Variants in OFD1 observed in about 807,000 individuals in gnomAD.
OFD1 encodes the protein OFD1 centriole and centriolar satellite protein, also known as centriole and centriolar satellite protein OFD1.
In OFD1, 12 loss-of-function variants were observed where a neutral mutation model predicts 81.4. The observed-to-expected ratio is 0.15, with a 90% CI of 0.09 to 0.24. OFD1 has a LOEUF of 0.24. Among genes scored for constraint, OFD1 ranks in the 10% least tolerant of loss-of-function variants. The pLI is 1.00. For missense variants in OFD1, 685 were observed against 733.9 expected (o/e 0.93, Z 0.77); for synonymous variants, 256 against 263.7 (o/e 0.97, Z 0.28).
intron 10 of OFD1, chrX:13,752,711 A>G: frequency 5.1e-6 from 5 of 972,049 alleles, no homozygotes; most frequent in Non-Finnish European, 6.6e-6. Flanking sequence ...CAGCTTCCAC[A>G]GGCTGCATGG....
At chrX:13,745,253 T>C (rs2047248261) in intron 6 of OFD1, among the ~76,000 whole-genome samples, 1 of 112,518 alleles carries the variant, frequency 8.9e-6, no homozygotes, top group African/African-American at 3.2e-5. Context: ...CAAGCAGTGC[T>C]GTTCAGTGGT....
At chrX:13,717,430 C>G in the OFD1 span, among the ~76,000 whole-genome samples, 1 of 112,176 alleles carries the variant, frequency 8.9e-6, no homozygotes, top group South Asian at 3.6e-4. Context: ...CAGTCTTACT[C>G]CAATGTAGTT....
downstream of OFD1, chrX:13,772,779 C>T (rs1469744835): frequency 2.6e-6 from 2 of 766,851 alleles, no homozygotes; most frequent in Non-Finnish European, 1.9e-6. Flanking sequence ...AGTGTTTGTA[C>T]ATCTACATTA....
intron 13 of OFD1, among the ~76,000 whole-genome samples, chrX:13,757,003 G>A (rs2147028295): frequency 9.0e-6 from 1 of 111,576 alleles, no homozygotes; most frequent in Admixed American, 9.5e-5. Flanking sequence ...TACATACAGT[G>A]GCCCTAGGCT....
At chrX:13,770,414 G>A (rs373228476), downstream of OFD1, among the ~76,000 whole-genome samples, 2 of 112,020 alleles carry the variant, frequency 1.8e-5, no homozygotes, top group East Asian at 5.6e-4. Context: ...CACTAAGAAA[G>A]GTCAGACGCA....
At chrX:13,768,916 A>G (rs2048236053) in intron 22 of OFD1, 131 bp downstream of exon 22, 4 of 772,816 alleles carry the variant, frequency 5.2e-6, no homozygotes, top group Non-Finnish European at 8.0e-6. Context: ...TATAAAAACA[A>G]TTGAGTTTTT....
the OFD1 span, chrX:13,716,658 G>C: frequency 8.3e-7 from 1 of 1,211,761 alleles, no homozygotes; most frequent in Non-Finnish European, 1.1e-6. Context: ...CTATGAACTG[G>C]TTCAGATGAC....
chrX:13,733,359 A>AT (rs1213035837), upstream of OFD1, among the ~76,000 whole-genome samples: 2 of 110,708 alleles, frequency 1.8e-5, no homozygotes, highest in African/African-American at 6.6e-5. Context: ...TCGTTTACTT[A>AT]TTTTTTCTCC....
At chrX:13,773,083 C>A (rs1166989387), downstream of OFD1, 9 of 1,099,330 alleles carry the variant, frequency 8.2e-6, no homozygotes, top group Non-Finnish European at 8.8e-6. Flanking sequence ...GAAGGCAAAG[C>A]GAGGCGCTAG....
chrX:13,769,648 C>T (rs934779952), downstream of OFD1, among the ~76,000 whole-genome samples: 1 of 111,649 alleles, frequency 9.0e-6, no homozygotes, highest in Non-Finnish European at 1.9e-5. Flanking sequence ...TTTAAACCCC[C>T]CCGTGTGATA....
At chrX:13,753,633 A>G in intron 11 of OFD1, 192 bp downstream of exon 11, 1 of 414,718 alleles carries the variant, frequency 2.4e-6, no homozygotes, top group South Asian at 3.8e-5. Flanking sequence ...AGGAACCTTC[A>G]TGTTTAATAG....
Position 13,734,786 on chromosome X carries a change from C to A in OFD1, c.-286C>A. The A allele has an allele frequency of 9.4e-7, 1 of 1,068,856 alleles. No individual in the cohort carries two copies. Among genetic ancestry groups the A allele is most frequent in the Non-Finnish European group, 1.2e-6 (1 of 831,671 alleles). The allele number at this position is 1,068,856 out of a possible 1,213,427, so 88.1% of individuals were successfully genotyped here. A position where few individuals can be genotyped will look rare whatever the true frequency, so the allele number is the denominator to read the frequency against. On this transcript the variant is annotated 5_prime_UTR_variant, in exon 1 of 23. Transcript: ENST00000340096. ...CGGTCCTGCCTCGCTGCCTTCAGTCCCTAGTGTCTGGGTCCCCGCCCTCCA... is the reference window on the plus strand; with the variant it reads ...CGGTCCTGCCTCGCTGCCTTCAGTCACTAGTGTCTGGGTCCCCGCCCTCCA...
upstream of OFD1, among the ~76,000 whole-genome samples, chrX:13,731,730 T>C (rs781650459): frequency 5.4e-5 from 6 of 111,902 alleles, no homozygotes; most frequent in East Asian, 2.8e-4. Context: ...TCGGAGAACA[T>C]TGGGTGCTCC....
At chrX:13,722,208 C>CCAAAAAAAAAAAAAAAAAA in the OFD1 span, 7 of 36,118 alleles carry the variant, frequency 1.9e-4, no homozygotes, top group African/African-American at 8.4e-4. Flanking sequence ...TAAGCAGCAG[C>CCAAAAAAAAAAAAAAAAAA]AAAAAAAAAA....
intron 2 of OFD1, among the ~76,000 whole-genome samples, chrX:13,735,624 C>G (rs2046832406): frequency 8.9e-6 from 1 of 112,042 alleles, no homozygotes; most frequent in South Asian, 3.7e-4. Flanking sequence ...GTATAATGAA[C>G]ACAGTAAGAT....
At chrX:13,761,914 T>TC in intron 17 of OFD1, among the ~76,000 whole-genome samples, 1 of 105,684 alleles carries the variant, frequency 9.5e-6, no homozygotes, top group East Asian at 2.9e-4. Flanking sequence ...CTTTTTTTTT[T>TC]TTTTTTTTTT....
At chrX:13,716,417 A>T in the OFD1 span, 2 of 934,218 alleles carry the variant, frequency 2.1e-6, no homozygotes, top group Non-Finnish European at 3.0e-6. Flanking sequence ...ATGGAAACTT[A>T]CATTTTCACC....
At chrX:13,718,647 T>C in the OFD1 span, among the ~76,000 whole-genome samples, 3 of 112,148 alleles carry the variant, frequency 2.7e-5, no homozygotes, top group African/African-American at 9.7e-5. Flanking sequence ...CTCCACCTCA[T>C]AGAGAATCCC....
the OFD1 span, among the ~76,000 whole-genome samples, chrX:13,726,106 A>G: frequency 0.28 from 30,522 of 109,408 alleles, 3,491 homozygotes; most frequent in Non-Finnish European, 0.32. Context: ...ATATGGGACT[A>G]TGTGAAAAGA....
Sources: allele counts gnomAD v4.1 joint callset (sites outside exome capture counted in the v4.1 genomes callset), GRCh38; gene constraint gnomAD v4.1.1; transcripts MANE v1.5; gene names NCBI Gene and HGNC (gene_info 2026-07-23, HGNC 2026-07-21).